The following DNAAF4 variants were observed in gnomAD, a reference collection of about 807,000 sequenced individuals.
DNAAF4 encodes the protein dynein assembly factor 4, axonemal.
Under a neutral mutation model 51.8 loss-of-function variants are expected in DNAAF4, and 43 were observed. The observed-to-expected ratio is 0.83, with a 90% CI of 0.65 to 1.07. The LOEUF is 1.07. Among genes scored for constraint, DNAAF4 ranks in the 50% least tolerant of loss-of-function variants. The pLI is 0.00. For synonymous variants in DNAAF4, 194 were observed against 165.6 expected, an observed-to-expected ratio of 1.17 and a Z score of -1.32; for missense variants, 581 against 493.0, an observed-to-expected ratio of 1.18 and a Z score of -1.69.
chr15:55,446,498 G>A (rs2057820067), intron 6 of DNAAF4, among the ~76,000 whole-genome samples: 1 of 147,598 alleles, frequency 6.8e-6, no homozygotes, highest in African/African-American at 2.5e-5. Context: ...CCTAGACGGG[G>A]TGGCCAGGCA....
In DNAAF4 at chr15:55,419,066, G is replaced by A. The variant is rs547946313; in HGVS notation, c.1048-933C>T. ...TGAGTAGCTGGGATTACAGGCACTC[G>A]CCACTACACCCAGCTAATTTTTTGT... On this transcript the variant is annotated intron_variant, in intron 7 of 7. Transcript: ENST00000448430. Among the ~76,000 whole-genome samples the A allele has an allele frequency of 1.8e-3, 267 of 151,854 alleles. 1 individual carries two copies. The highest frequency in any genetic ancestry group is 3.1e-3 in the Non-Finnish European group (208 of 67,942).
chr15:55,494,258 A>G (rs1250768190), intron 3 of DNAAF4, among the ~76,000 whole-genome samples: 4 of 151,442 alleles, frequency 2.6e-5, no homozygotes, highest in Non-Finnish European at 4.4e-5. Context: ...CGGACTCCCA[A>G]CCTCAGATGA....
chr15:55,424,927 G>A (rs2057417491), intron 7 of DNAAF4, among the ~76,000 whole-genome samples: 2 of 148,314 alleles, frequency 1.3e-5, no homozygotes, highest in Admixed American at 6.8e-5. Context: ...GTGCAATGGC[G>A]CATTCTCGGC....
At position 55,468,282 on chromosome 15, in the gene DNAAF4, A is replaced by G. The variant is rs75407192; in HGVS notation, c.406-1121T>C. Among the ~76,000 whole-genome samples the G allele has an allele frequency of 2.0e-5, 3 of 152,326 alleles. No individual in the cohort carries two copies. In the East Asian group the frequency reaches 5.8e-4, roughly 29 times the overall value. ...CCTGTGCACTGAAAGGTGCTCTGTA[A>G]TATCTACATGACATAATACTCTCTT... On this transcript the variant is annotated intron_variant, in intron 4 of 9. Transcript: ENST00000321149.
At chr15:55,469,711 C>T (rs1001030168) in intron 4 of DNAAF4, among the ~76,000 whole-genome samples, 6 of 151,734 alleles carry the variant, frequency 4.0e-5, no homozygotes, top group East Asian at 1.9e-4. Context: ...AGGATGGTCT[C>T]GATCTCCTGA....
intron 3 of DNAAF4, among the ~76,000 whole-genome samples, chr15:55,493,832 TA>T (rs1347967193): frequency 6.6e-6 from 1 of 151,940 alleles, no homozygotes; most frequent in Non-Finnish European, 1.5e-5. Flanking sequence ...GCCTCCCAAG[TA>T]GCTGGGACTA....
In DNAAF4 at chr15:55,436,040, G is replaced by A. The variant is rs1006878188; in HGVS notation, c.894-982C>T. 1.1e-4 allele frequency among the ~76,000 whole-genome samples: 16 copies of A among 152,216 alleles called. 1 individual carries two copies. In the South Asian group the frequency reaches 1.7e-3, roughly 16 times the overall value. ...CGATCTCAGGTGATCTGCCCGCTTC[G>A]GCCTCCCAAAGCGCTGGGATTACAG... On this transcript the variant is annotated intron_variant, in intron 7 of 9. Coordinates refer to ENST00000321149, the MANE Select transcript of DNAAF4 (RefSeq NM_130810.4).
chr15:55,447,064 G>C (rs1270131140), intron 6 of DNAAF4, among the ~76,000 whole-genome samples: 2 of 145,116 alleles, frequency 1.4e-5, no homozygotes, highest in East Asian at 4.2e-4. Context: ...TTCCCAGATG[G>C]GGCAGCTGAC....
At chr15:55,488,197 C>A (rs2058520075) in intron 4 of DNAAF4, among the ~76,000 whole-genome samples, 1 of 151,816 alleles carries the variant, frequency 6.6e-6, no homozygotes, top group Admixed American at 6.6e-5. Context: ...GAGACCCTAC[C>A]AGACCTTGAT....
intron 4 of DNAAF4, among the ~76,000 whole-genome samples, chr15:55,488,120 C>CTTTTTT (rs58763098): frequency 1.4e-5 from 2 of 144,330 alleles, no homozygotes; most frequent in African/African-American, 2.6e-5. Flanking sequence ...TTTTCTTTTT[C>CTTTTTT]TTTTTTTTTT....
At chr15:55,431,832 GT>G (rs1314534788) in intron 9 of DNAAF4, among the ~76,000 whole-genome samples, 1 of 151,624 alleles carries the variant, frequency 6.6e-6, no homozygotes, top group Non-Finnish European at 1.5e-5. Context: ...GCCCAAGCTG[GT>G]CTCAAACTCC....
At chr15:55,471,448 A>G (rs1368736050) in intron 4 of DNAAF4, among the ~76,000 whole-genome samples, 1 of 152,194 alleles carries the variant, frequency 6.6e-6, no homozygotes, top group African/African-American at 2.4e-5. Context: ...CTCTATGCTA[A>G]TAACAAGAGG....
intron 4 of DNAAF4, among the ~76,000 whole-genome samples, chr15:55,475,182 T>C (rs543713563): frequency 2.0e-5 from 3 of 152,272 alleles, no homozygotes; most frequent in South Asian, 4.1e-4. Context: ...GAGGACTTCT[T>C]AGGAAACTTG....
chr15:55,471,987 G>A (rs929640140), intron 4 of DNAAF4, among the ~76,000 whole-genome samples: 1 of 151,962 alleles, frequency 6.6e-6, no homozygotes, highest in Non-Finnish European at 1.5e-5. Flanking sequence ...TTACAGGTGT[G>A]TACCACCATG....
intron 5 of DNAAF4, among the ~76,000 whole-genome samples, chr15:55,451,169 G>A (rs944752213): frequency 1.3e-5 from 2 of 152,184 alleles, no homozygotes; most frequent in African/African-American, 4.8e-5. Context: ...AGGGGGGAAG[G>A]AGCGCTCTTA....
rs116624108 is a variant in DNAAF4 at position 55,456,377 on chromosome 15, C to T, written c.638-6010G>A. ...GATTACAGGCGTGAGCCACTGCATC[C>T]GGCGGAAAATGCATCCAAAACAAAG... On this transcript the variant is annotated intron_variant, in intron 5 of 9. Transcript: ENST00000321149. 4.2e-3 allele frequency among the ~76,000 whole-genome samples: 638 copies of T among 152,202 alleles called. 3 individuals carry two copies. The highest frequency in any genetic ancestry group is 0.013 in the African/African-American group (559 of 41,524).
At chr15:55,450,428 T>C in intron 5 of DNAAF4, 61 bp from the exon 6 acceptor site, 1 of 1,541,578 alleles carries the variant, frequency 6.5e-7, no homozygotes, top group Non-Finnish European at 8.8e-7. Context: ...AACAATCAAC[T>C]GATAAAGTAA....
At chr15:55,447,336 C>T (rs886490693) in intron 6 of DNAAF4, among the ~76,000 whole-genome samples, 57 of 151,914 alleles carry the variant, frequency 3.8e-4, no homozygotes, top group African/African-American at 1.3e-3. Flanking sequence ...AGACGATGGG[C>T]GGCCAGGCAG....
At chr15:55,473,159 C>G (rs2058279350) in intron 4 of DNAAF4, among the ~76,000 whole-genome samples, 1 of 124,650 alleles carries the variant, frequency 8.0e-6, no homozygotes, top group African/African-American at 3.1e-5. Flanking sequence ...GAGTGAGAGG[C>G]CACCTCAAAA....
Sources: gnomAD v4.1 joint callset for allele counts (sites outside exome capture counted in the v4.1 genomes callset) on GRCh38, gnomAD v4.1.1 for gene constraint, MANE v1.5 for transcripts, NCBI Gene and HGNC (gene_info 2026-07-23, HGNC 2026-07-21) for gene names.